The following SEMA6D variants were observed in gnomAD, a reference collection of about 807,000 sequenced individuals.
The protein encoded by SEMA6D is semaphorin 6D, also known as semaphorin-6D.
A neutral mutation model predicts 106.6 loss-of-function variants in SEMA6D; 35 were observed. The ratio of observed to expected loss-of-function variants is 0.33; its 90% CI spans 0.25 to 0.44. The LOEUF (loss-of-function observed/expected upper bound fraction) is 0.44, where lower values mean the gene tolerates loss of function less well. Ranked by LOEUF, SEMA6D falls within the 20% of genes least tolerant of loss-of-function variation. The probability of loss-of-function intolerance (pLI) is 1.00; values close to 1 mark genes in which losing one functional copy is unlikely to be tolerated. For missense variants in SEMA6D, 1,185 were observed against 1,345.9 expected, an observed-to-expected ratio of 0.88 and a Z score of 1.87; for synonymous variants, 499 against 487.7, an observed-to-expected ratio of 1.02 and a Z score of -0.31.
intron 3 of SEMA6D, among the ~76,000 whole-genome samples, chr15:47,495,676 GT>G (rs2043631220): frequency 6.6e-6 from 1 of 151,902 alleles, no homozygotes; most frequent in Admixed American, 6.6e-5. Context: ...TTCTAGCCTG[GT>G]TTGGCATATC....
At chr15:47,441,134 A>T (rs1227005134) in intron 2 of SEMA6D, among the ~76,000 whole-genome samples, 1 of 152,084 alleles carries the variant, frequency 6.6e-6, no homozygotes, top group Non-Finnish European at 1.5e-5. Flanking sequence ...TCTCTTTATG[A>T]GTCTCTTTTG....
chr15:47,407,698 C>T (rs1443564372), intron 1 of SEMA6D, among the ~76,000 whole-genome samples: 1 of 152,068 alleles, frequency 6.6e-6, no homozygotes, highest in Non-Finnish European at 1.5e-5. Context: ...TGGGAGGTGC[C>T]CTTTAAAAGT....
At chr15:47,195,617 C>T (rs1390669132) in intron 1 of SEMA6D, among the ~76,000 whole-genome samples, 2 of 152,040 alleles carry the variant, frequency 1.3e-5, no homozygotes, top group African/African-American at 4.8e-5. Context: ...TTTCATGATG[C>T]CTCTAAAGGA....
Position 47,770,808 on chromosome 15 carries a change from C to T in SEMA6D, c.2245C>T (p.Pro749Ser), listed in dbSNP as rs757193920. 1 of 1,613,998 alleles carries T rather than the reference C, an allele frequency of 6.2e-7. No individual in the cohort carries two copies. The highest frequency in any genetic ancestry group is 1.3e-5 in the African/African-American group (1 of 75,046). ...CCTGCTAACCAGTCGGAAAGAGCTA[C>T]CACCCAATGGAGATACTAAATCCAT... ...SNLLTSRKEL[P>S]PNGDTKSMVM... Residue 749 changes from proline to serine, a missense_variant, in exon 19 of 19, where the codon CCA (proline) becomes TCA (serine). Transcript: ENST00000536845.
intron 2 of SEMA6D, among the ~76,000 whole-genome samples, chr15:47,426,968 C>T (rs1041103687): frequency 1.3e-5 from 2 of 152,090 alleles, no homozygotes. Flanking sequence ...AAATCACATG[C>T]TTCTTTATAT....
chr15:47,739,944 C>T (rs1324200658), intron 1 of SEMA6D, among the ~76,000 whole-genome samples: 1 of 152,110 alleles, frequency 6.6e-6, no homozygotes. Flanking sequence ...AGTCTACAAC[C>T]CTGGAAACAA....
chr15:47,393,123 G>T (rs2040095242), intron 1 of SEMA6D, among the ~76,000 whole-genome samples: 2 of 152,190 alleles, frequency 1.3e-5, no homozygotes, highest in South Asian at 4.1e-4. Context: ...GAAAATTCTG[G>T]TATTTCATAA....
intron 1 of SEMA6D, among the ~76,000 whole-genome samples, chr15:47,256,175 T>G (rs1262522664): frequency 6.6e-6 from 1 of 152,174 alleles, no homozygotes; most frequent in African/African-American, 2.4e-5. Context: ...TTTTAGCTAT[T>G]TTAGGGCTGG....
chr15:47,350,454 C>T (rs1179011770), intron 1 of SEMA6D, among the ~76,000 whole-genome samples: 1 of 152,088 alleles, frequency 6.6e-6, no homozygotes, highest in Non-Finnish European at 1.5e-5. Flanking sequence ...TGCATTGTTT[C>T]ACATGCATTG....
intron 4 of SEMA6D, among the ~76,000 whole-genome samples, chr15:47,608,347 T>C (rs1321532714): frequency 5.3e-5 from 8 of 152,196 alleles, no homozygotes. Context: ...TAATTACATC[T>C]ACTGGGGATG....
intron 4 of SEMA6D, among the ~76,000 whole-genome samples, chr15:47,696,541 G>T (rs183522427): frequency 3.9e-5 from 6 of 152,284 alleles, no homozygotes; most frequent in Non-Finnish European, 8.8e-5. Context: ...TTGTCTTGCT[G>T]CCAAAGATGA....
At chr15:47,339,373 G>C (rs758333228) in intron 1 of SEMA6D, among the ~76,000 whole-genome samples, 1 of 152,114 alleles carries the variant, frequency 6.6e-6, no homozygotes, top group Non-Finnish European at 1.5e-5. Flanking sequence ...TTCAACCCAT[G>C]GGATGTGACA....
At chr15:47,300,768 C>A (rs775105507) in intron 1 of SEMA6D, among the ~76,000 whole-genome samples, 1 of 152,212 alleles carries the variant, frequency 6.6e-6, no homozygotes, top group African/African-American at 2.4e-5. Context: ...CCTTCTGCCA[C>A]CCATCTGCCT....
In SEMA6D at chr15:47,771,874, G is replaced by A. The variant is rs980085278; in HGVS notation, c.*89G>A. The A allele has an allele frequency of 1.6e-5, 21 of 1,336,130 alleles. No homozygotes were observed. The African/African-American group carries it at 1.9e-4, about 12-fold the overall frequency. 82.8% of individuals were successfully genotyped at this position (1,336,130 alleles called of 1,614,324 possible). A position where few individuals can be genotyped will look rare whatever the true frequency, so the allele number is the denominator to read the frequency against. On this transcript the variant is annotated 3_prime_UTR_variant, in exon 19 of 19. Transcript: ENST00000536845. ...AAGGGTACCTTAAAACAAGAGACTCGCTTGTATTTTAAGAGAACCAAGTGG... is the reference window on the plus strand; with the variant it reads ...AAGGGTACCTTAAAACAAGAGACTCACTTGTATTTTAAGAGAACCAAGTGG...
intron 1 of SEMA6D, among the ~76,000 whole-genome samples, chr15:47,284,845 G>A (rs1444124376): frequency 6.6e-6 from 1 of 152,142 alleles, no homozygotes; most frequent in Non-Finnish European, 1.5e-5. Context: ...CCGAAATCTT[G>A]AAATTAAACT....
chr15:47,214,702 A>G (rs17284463), intron 1 of SEMA6D, among the ~76,000 whole-genome samples: 1,851 of 152,300 alleles, frequency 0.012, 42 homozygotes, highest in Admixed American at 0.012. Context: ...CTACAAAAAA[A>G]TGTTTTATCC....
chr15:47,333,057 A>G lies in SEMA6D; in HGVS notation c.-238-79336A>G, dbSNP rs191537653. On this transcript the variant is annotated intron_variant, in intron 1 of 19. Coordinates refer to the SEMA6D transcript ENST00000558014. ...TAATAGTAAGATAAGAACTTGTTACATGGAAGCTGTCACTTTCATCGTTGT... is the reference window on the plus strand; with the variant it reads ...TAATAGTAAGATAAGAACTTGTTACGTGGAAGCTGTCACTTTCATCGTTGT... Among the ~76,000 whole-genome samples the G allele has an allele frequency of 6.8e-3, 1,040 of 152,314 alleles. 20 individuals carry two copies. The highest frequency in any genetic ancestry group is 0.024 in the African/African-American group (988 of 41,574).
chr15:47,688,125 A>T (rs927474236), intron 4 of SEMA6D, among the ~76,000 whole-genome samples: 5 of 152,168 alleles, frequency 3.3e-5, no homozygotes, highest in African/African-American at 4.8e-5. Flanking sequence ...TTAGATATAA[A>T]ATATTAGAAA....
At chr15:47,354,999 A>G (rs1043315376) in intron 1 of SEMA6D, among the ~76,000 whole-genome samples, 11 of 152,230 alleles carry the variant, frequency 7.2e-5, no homozygotes, top group African/African-American at 2.4e-4. Context: ...AAGAGGCCAG[A>G]AAGGAGTACT....
Sources: gnomAD v4.1 joint callset for allele counts (sites outside exome capture counted in the v4.1 genomes callset) on GRCh38, gnomAD v4.1.1 for gene constraint, MANE v1.5 for transcripts, NCBI Gene and HGNC (gene_info 2026-07-23, HGNC 2026-07-21) for gene names.